Variants in TBC1D5 observed in about 807,000 individuals in gnomAD.
TBC1D5 encodes the protein TBC1 domain family, member 5.
Under a neutral mutation model 100.3 loss-of-function variants are expected in TBC1D5, and 75 were observed. The ratio of observed to expected loss-of-function variants is 0.75; its 90% CI spans 0.62 to 0.91. The LOEUF is 0.91. Among genes scored for constraint, TBC1D5 ranks in the 40% least tolerant of loss-of-function variants. The pLI, the probability that TBC1D5 is intolerant of heterozygous loss-of-function variation, is 0.00. For synonymous variants in TBC1D5, 323 were observed against 325.6 expected, an observed-to-expected ratio of 0.99 and a Z score of 0.09; for missense variants, 910 against 942.4, an observed-to-expected ratio of 0.97 and a Z score of 0.45.
chr3:17,549,124 C>A (rs778312705), intron 2 of TBC1D5, among the ~76,000 whole-genome samples: 1 of 152,034 alleles, frequency 6.6e-6, no homozygotes, highest in Admixed American at 6.6e-5. Context: ...ATGGTGAAGA[C>A]CTGTCTCTAC....
intron 18 of TBC1D5, among the ~76,000 whole-genome samples, chr3:17,197,985 C>T (rs561964460): frequency 5.3e-5 from 8 of 152,134 alleles, no homozygotes; most frequent in South Asian, 2.1e-4. Context: ...TGCAGGGAGC[C>T]GAGATTGTGC....
chr3:17,647,190 CATTT>C (rs1448896460), intron 1 of TBC1D5: 1 of 152,084 alleles, frequency 6.6e-6, no homozygotes, highest in Non-Finnish European at 1.5e-5. Context: ...ATCATTCATT[CATTT>C]AACACATAAA....
chr3:17,219,903 G>A (rs140441844), intron 17 of TBC1D5, among the ~76,000 whole-genome samples: 152 of 152,166 alleles, frequency 1.0e-3, no homozygotes, highest in Middle Eastern at 3.4e-3. Context: ...ACTTTATGGA[G>A]GAACAGATTT....
At chr3:17,675,561 C>T (rs899552635) in intron 1 of TBC1D5, among the ~76,000 whole-genome samples, 1 of 152,096 alleles carries the variant, frequency 6.6e-6, no homozygotes, top group African/African-American at 2.4e-5. Flanking sequence ...TGCTGATTCA[C>T]TAATTTTAAC....
chr3:17,427,280 T>C (rs370982133), intron 4 of TBC1D5, among the ~76,000 whole-genome samples: 1 of 152,088 alleles, frequency 6.6e-6, no homozygotes, highest in South Asian at 2.1e-4. Flanking sequence ...TGATTATGTA[T>C]ACAGACCCCA....
At chr3:17,195,806 GA>G (rs1404695416) in intron 18 of TBC1D5, among the ~76,000 whole-genome samples, 1 of 147,722 alleles carries the variant, frequency 6.8e-6, no homozygotes. Flanking sequence ...CTTCTGGAAA[GA>G]AAAAAAGGTG....
Position 17,591,261 on chromosome 3 carries a change from AAAAAAC to A in TBC1D5, c.-36+32582_-36+32587del, listed in dbSNP as rs1560228080. 7.2e-4 allele frequency among the ~76,000 whole-genome samples: 83 copies of A among 115,028 alleles called. 6 individuals are homozygous for A. Among genetic ancestry groups the A allele is most frequent in the African/African-American group, 9.6e-4 (25 of 26,106 alleles). 75.5% of individuals were successfully genotyped at this position (115,028 alleles called of 152,430 possible). ...AAAAAAAAAAAAAAAAAAAAAAAAA[AAAAAAC>A]AAAAACCCCAGAGAATCATGGCCCC... On this transcript the variant is annotated intron_variant, in intron 2 of 21. Coordinates refer to ENST00000253692, the Ensembl canonical transcript of TBC1D5.
Position 17,383,895 on chromosome 3 carries a change from G to GT in TBC1D5, c.612+17dup. The stretch of plus-strand genomic sequence containing the variant: ...AATTTTGAGTCAATGGATGCCACCT[G>GT]TAAGATATTTTCATTACCTGTTTAT... On this transcript the variant is annotated intron_variant, in intron 9 of 21. Transcript: ENST00000253692. 6.4e-7 allele frequency: 1 copy of GT among 1,569,760 alleles called. No individual in the cohort carries two copies. Among genetic ancestry groups the GT allele is most frequent in the Non-Finnish European group, 8.7e-7 (1 of 1,149,454 alleles).
At chr3:17,484,301 A>C (rs1460372184) in intron 3 of TBC1D5, among the ~76,000 whole-genome samples, 1 of 152,194 alleles carries the variant, frequency 6.6e-6, no homozygotes, top group Non-Finnish European at 1.5e-5. Flanking sequence ...ATAACAAAAC[A>C]GTTTACTATG....
chr3:17,332,078 ACT>A (rs1210304080), intron 13 of TBC1D5, among the ~76,000 whole-genome samples: 2 of 152,212 alleles, frequency 1.3e-5, no homozygotes, highest in East Asian at 3.8e-4. Context: ...TGGAGAACAG[ACT>A]GTAAGGAGAC....
intron 3 of TBC1D5, among the ~76,000 whole-genome samples, chr3:17,462,794 A>G (rs1330981693): frequency 6.6e-6 from 1 of 152,228 alleles, no homozygotes; most frequent in Non-Finnish European, 1.5e-5. Flanking sequence ...AATGCCAGAC[A>G]GCATAGATCC....
intron 1 of TBC1D5, among the ~76,000 whole-genome samples, chr3:17,688,859 C>T (rs1412978261): frequency 6.6e-6 from 1 of 152,080 alleles, no homozygotes; most frequent in East Asian, 1.9e-4. Context: ...AAATTTCTAC[C>T]CTACTGTACA....
chr3:17,339,624 C>T (rs536605346), intron 13 of TBC1D5, among the ~76,000 whole-genome samples: 19 of 152,320 alleles, frequency 1.2e-4, no homozygotes, highest in Admixed American at 5.2e-4. Context: ...TTTTCGTATA[C>T]TGATATATAG....
At chr3:17,716,233 T>G (rs1293732830) in intron 1 of TBC1D5, among the ~76,000 whole-genome samples, 1 of 152,178 alleles carries the variant, frequency 6.6e-6, no homozygotes, top group Non-Finnish European at 1.5e-5. Context: ...AGAGGTCTAC[T>G]ACCTCCACTA....
chr3:17,650,496 A>C lies in TBC1D5; in HGVS notation c.-100-26583T>G, dbSNP rs146833660. Among the ~76,000 whole-genome samples the C allele has an allele frequency of 3.3e-5, 5 of 152,294 alleles. No individual in the cohort carries two copies. In the East Asian group the frequency reaches 7.7e-4, roughly 23 times the overall value. The stretch of plus-strand genomic sequence containing the variant: ...TTCAACAATAATATAACAAAGTAAT[A>C]ATTTCAAATGGGTAAAGATTTTTAT... On this transcript the variant is annotated intron_variant, in intron 1 of 21. Transcript: ENST00000253692.
intron 2 of TBC1D5, among the ~76,000 whole-genome samples, chr3:17,618,446 G>C (rs1382606948): frequency 6.6e-6 from 1 of 152,238 alleles, no homozygotes; most frequent in Non-Finnish European, 1.5e-5. Flanking sequence ...CTGTTAGACA[G>C]GGACGTTTAA....
intron 4 of TBC1D5, among the ~76,000 whole-genome samples, chr3:17,411,664 G>C (rs1381493472): frequency 6.6e-6 from 1 of 152,092 alleles, no homozygotes; most frequent in East Asian, 1.9e-4. Context: ...AGGCACAGCT[G>C]GTGGCTAGAT....
intron 3 of TBC1D5, among the ~76,000 whole-genome samples, chr3:17,492,425 T>C (rs952504726): frequency 6.6e-5 from 10 of 151,240 alleles, no homozygotes; most frequent in Non-Finnish European, 1.5e-4. Context: ...AGGGTATTAG[T>C]GCTATACATT....
intron 3 of TBC1D5, among the ~76,000 whole-genome samples, chr3:17,476,419 T>C (rs1229231281): frequency 1.3e-5 from 2 of 152,046 alleles, no homozygotes; most frequent in African/African-American, 4.8e-5. Context: ...CACTGATCTA[T>C]AATTTCAGCT....
Sources: allele counts gnomAD v4.1 joint callset (sites outside exome capture counted in the v4.1 genomes callset), GRCh38; gene constraint gnomAD v4.1.1; transcripts MANE v1.5; gene names NCBI Gene and HGNC (gene_info 2026-07-23, HGNC 2026-07-21).